The following GRIP1 variants were observed in gnomAD, a reference collection of about 807,000 sequenced individuals.
The protein encoded by GRIP1 is glutamate receptor-interacting protein 1.
A neutral mutation model predicts 129.9 loss-of-function variants in GRIP1; 45 were observed. The observed-to-expected ratio is 0.35, with a 90% confidence interval of 0.27 to 0.44. The LOEUF is 0.44. GRIP1 is among the 20% of genes least tolerant of loss of function. The pLI is 1.00. For missense variants in GRIP1, 1,196 were observed against 1,396.8 expected, an observed-to-expected ratio of 0.86 and a Z score of 2.29; for synonymous variants, 530 against 520.8, an observed-to-expected ratio of 1.02 and a Z score of -0.24.
chr12:66,821,548 G>A (rs2039318885), intron 1 of GRIP1, among the ~76,000 whole-genome samples: 1 of 152,078 alleles, frequency 6.6e-6, no homozygotes, highest in Admixed American at 6.6e-5. Flanking sequence ...ATGTCAAGCT[G>A]CAAAGATAAA....
chr12:66,587,758 G>A (rs1343155300), intron 2 of GRIP1, among the ~76,000 whole-genome samples: 4 of 152,156 alleles, frequency 2.6e-5, no homozygotes, highest in East Asian at 1.9e-4. Context: ...GAGTGTGCAC[G>A]GGTGAAGGGC....
intron 7 of GRIP1, among the ~76,000 whole-genome samples, chr12:66,498,003 A>G (rs556473586): frequency 9.9e-5 from 15 of 152,006 alleles, no homozygotes; most frequent in African/African-American, 3.4e-4. Context: ...CTCAAAAAGC[A>G]CCCCCACTGG....
chr12:66,988,896 G>A (rs556423618), intron 1 of GRIP1, among the ~76,000 whole-genome samples: 27 of 152,146 alleles, frequency 1.8e-4, no homozygotes, highest in Non-Finnish European at 3.4e-4. Context: ...CGGCTAACAT[G>A]CAAAACTCTT....
At chr12:66,668,167 T>A (rs2033895619) in intron 1 of GRIP1, among the ~76,000 whole-genome samples, 1 of 152,196 alleles carries the variant, frequency 6.6e-6, no homozygotes, top group Non-Finnish European at 1.5e-5. Context: ...AAGGCATACA[T>A]TTAAAATAAA....
At chr12:66,770,099 T>C (rs541857880) in intron 1 of GRIP1, among the ~76,000 whole-genome samples, 8 of 152,292 alleles carry the variant, frequency 5.3e-5, no homozygotes, top group South Asian at 4.1e-4. Flanking sequence ...GCCTACCTCA[T>C]GGATTATTGA....
chr12:67,037,490 T>C (rs1156554405), intron 1 of GRIP1: 5 of 151,930 alleles, frequency 3.3e-5, no homozygotes, highest in Non-Finnish European at 5.9e-5. Context: ...TCTGCATACA[T>C]TGCTGTAAAA....
At chr12:66,361,283 G>C (rs2054749447) in intron 23 of GRIP1, among the ~76,000 whole-genome samples, 1 of 152,114 alleles carries the variant, frequency 6.6e-6, no homozygotes, top group Admixed American at 6.6e-5. Flanking sequence ...GCCACCTCCT[G>C]CTTCATTCTG....
chr12:67,022,183 T>G (rs1270142806), intron 1 of GRIP1, among the ~76,000 whole-genome samples: 1 of 152,208 alleles, frequency 6.6e-6, no homozygotes, highest in Non-Finnish European at 1.5e-5. Context: ...ACTGATTTCC[T>G]CTCCTTTGGA....
chr12:66,562,188 T>C (rs1170768605), intron 2 of GRIP1, among the ~76,000 whole-genome samples: 1 of 152,240 alleles, frequency 6.6e-6, no homozygotes, highest in Non-Finnish European at 1.5e-5. Context: ...TTAAGTATTA[T>C]ACTTATTAAA....
At chr12:66,942,546 T>C (rs2041603770) in intron 1 of GRIP1, among the ~76,000 whole-genome samples, 1 of 152,212 alleles carries the variant, frequency 6.6e-6, no homozygotes, top group South Asian at 2.1e-4. Flanking sequence ...GTGTGATATC[T>C]CAGAGCACCT....
intron 1 of GRIP1, among the ~76,000 whole-genome samples, chr12:66,700,227 G>A (rs981828687): frequency 6.6e-6 from 1 of 152,138 alleles, no homozygotes; most frequent in Non-Finnish European, 1.5e-5. Flanking sequence ...CATCAGTGAA[G>A]GAATGGATCT....
intron 1 of GRIP1, among the ~76,000 whole-genome samples, chr12:66,870,864 C>A (rs541925172): frequency 2.6e-5 from 4 of 152,204 alleles, no homozygotes; most frequent in Non-Finnish European, 5.9e-5. Context: ...GTCTCCCTGC[C>A]ACATTGCTTT....
chr12:66,647,169 G>A (rs1246528900), intron 1 of GRIP1: 5 of 152,082 alleles, frequency 3.3e-5, no homozygotes, highest in Admixed American at 6.5e-5. Context: ...TCCTCTAAAC[G>A]TTCACCACAA....
intron 11 of GRIP1, among the ~76,000 whole-genome samples, chr12:66,446,094 G>GCCCCCC (rs1555185775): frequency 7.1e-6 from 1 of 140,396 alleles, no homozygotes; most frequent in African/African-American, 2.9e-5. Context: ...CATTCCTCCT[G>GCCCCCC]CCGCCCCCCA....
At chr12:66,390,638 CTAAT>C (rs1264952108) in intron 19 of GRIP1, among the ~76,000 whole-genome samples, 1 of 152,104 alleles carries the variant, frequency 6.6e-6, no homozygotes, top group Admixed American at 6.5e-5. Flanking sequence ...CAGGGAAGAA[CTAAT>C]TAATATCAAT....
intron 1 of GRIP1, among the ~76,000 whole-genome samples, chr12:66,957,180 G>A (rs921437723): frequency 1.3e-5 from 2 of 152,000 alleles, no homozygotes; most frequent in Admixed American, 1.3e-4. Flanking sequence ...CTAAAAAGAG[G>A]ATATCAATAC....
In GRIP1 at chr12:66,702,028, T is replaced by C. The variant is rs184097471; in HGVS notation, c.-419-71692A>G. On this transcript the variant is annotated intron_variant, in intron 1 of 4. Transcript: ENST00000538373. The stretch of plus-strand genomic sequence containing the variant: ...CATTCAAGTATCACAGAGCTGGTCA[T>C]GCAACACAAATTCCAATGCCACTCA... 7.7e-3 allele frequency among the ~76,000 whole-genome samples: 1,170 copies of C among 152,284 alleles called. 12 individuals are homozygous for C. Among genetic ancestry groups the C allele is most frequent in the South Asian group, 0.012 (59 of 4,820 alleles).
chr12:66,974,291 C>A (rs2042120746), intron 1 of GRIP1, among the ~76,000 whole-genome samples: 1 of 152,160 alleles, frequency 6.6e-6, no homozygotes, highest in Non-Finnish European at 1.5e-5. Flanking sequence ...CCACTCCATA[C>A]ACATACATAT....
chr12:66,620,684 T>C (rs909430046), intron 1 of GRIP1, among the ~76,000 whole-genome samples: 2 of 151,984 alleles, frequency 1.3e-5, no homozygotes, highest in Non-Finnish European at 2.9e-5. Flanking sequence ...TTTTTTTCTT[T>C]TTCTTTATTT....
Sources: allele counts gnomAD v4.1 joint callset (sites outside exome capture counted in the v4.1 genomes callset), GRCh38; gene constraint gnomAD v4.1.1; transcripts MANE v1.5; gene names NCBI Gene and HGNC (gene_info 2026-07-23, HGNC 2026-07-21).